Variants in CACNA1D observed in about 807,000 individuals in gnomAD.
The protein encoded by CACNA1D is voltage-dependent L-type calcium channel subunit alpha-1D.
In CACNA1D, 55 loss-of-function variants were observed where a neutral mutation model predicts 257.1. That is an observed-to-expected ratio of 0.21 (90% CI 0.17 to 0.27). CACNA1D has a LOEUF of 0.27. CACNA1D is among the 10% of genes least tolerant of loss of function. The pLI is 1.00. For missense variants in CACNA1D, 1,876 were observed against 2,784.0 expected, an observed-to-expected ratio of 0.67 and a Z score of 7.34; for synonymous variants, 980 against 1,014.9, an observed-to-expected ratio of 0.97 and a Z score of 0.65.
chr3:53,658,269 C>T (rs368049863), intron 4 of CACNA1D, among the ~76,000 whole-genome samples: 3 of 151,664 alleles, frequency 2.0e-5, no homozygotes, highest in East Asian at 3.9e-4. Context: ...TTCTCTGAGT[C>T]GTTAAATCCA....
intron 3 of CACNA1D, among the ~76,000 whole-genome samples, chr3:53,635,704 G>T (rs1039668967): frequency 1.3e-5 from 2 of 152,114 alleles, no homozygotes; most frequent in Non-Finnish European, 2.9e-5. Flanking sequence ...CTTCAGTTTG[G>T]TGCTTTTTCC....
At chr3:53,801,998 C>A in intron 42 of CACNA1D, 149 bp from the exon 43 acceptor site, 1 of 771,234 alleles carries the variant, frequency 1.3e-6, no homozygotes, top group Non-Finnish European at 2.4e-6. Flanking sequence ...ATGGGTCATA[C>A]AAGGCCAGGT....
chr3:53,573,297 C>A (rs1431835955), intron 3 of CACNA1D, among the ~76,000 whole-genome samples: 1 of 152,176 alleles, frequency 6.6e-6, no homozygotes, highest in Non-Finnish European at 1.5e-5. Context: ...TCCTTTTATT[C>A]CCAGCTGGCT....
At chr3:53,710,844 T>C (rs1035229697) in intron 9 of CACNA1D, among the ~76,000 whole-genome samples, 3 of 152,256 alleles carry the variant, frequency 2.0e-5, no homozygotes, top group African/African-American at 4.8e-5. Flanking sequence ...TTGATTTTTT[T>C]TTCTCCAGGC....
chr3:53,544,898 A>G (rs2092379460), intron 3 of CACNA1D, among the ~76,000 whole-genome samples: 1 of 152,340 alleles, frequency 6.6e-6, no homozygotes, highest in South Asian at 2.1e-4. Context: ...CGTCTACCTC[A>G]TAGGCTTACA....
At chr3:53,598,063 T>C (rs2093393118) in intron 3 of CACNA1D, among the ~76,000 whole-genome samples, 1 of 152,176 alleles carries the variant, frequency 6.6e-6, no homozygotes, top group Admixed American at 6.5e-5. Context: ...TTCAGGATCT[T>C]TAGAGGGAAG....
intron 37 of CACNA1D, among the ~76,000 whole-genome samples, chr3:53,777,877 T>G (rs889981770): frequency 2.0e-5 from 3 of 152,206 alleles, no homozygotes; most frequent in African/African-American, 7.2e-5. Context: ...GATTTTCCTT[T>G]TTCAAGGAAA....
intron 15 of CACNA1D, among the ~76,000 whole-genome samples, chr3:53,729,644 C>T (rs1559584344): frequency 6.6e-6 from 1 of 152,162 alleles, no homozygotes; most frequent in African/African-American, 2.4e-5. Flanking sequence ...GCCATGTATA[C>T]AACATTAGAG....
intron 3 of CACNA1D, among the ~76,000 whole-genome samples, chr3:53,551,394 A>T (rs879401470): frequency 6.6e-6 from 1 of 152,212 alleles, no homozygotes; most frequent in Non-Finnish European, 1.5e-5. Context: ...TACCCAGATC[A>T]TGAGCCTGTT....
At chr3:53,577,708 G>A (rs2093061984) in intron 3 of CACNA1D, among the ~76,000 whole-genome samples, 1 of 152,084 alleles carries the variant, frequency 6.6e-6, no homozygotes, top group Non-Finnish European at 1.5e-5. Context: ...AACAGTGGCC[G>A]CCCTGGAGAT....
At chr3:53,678,697 A>C (rs2094399466) in intron 8 of CACNA1D, among the ~76,000 whole-genome samples, 1 of 152,184 alleles carries the variant, frequency 6.6e-6, no homozygotes, top group Non-Finnish European at 1.5e-5. Context: ...TAAGGCAAAG[A>C]TTCATGGGAT....
rs2106943877 is a variant in CACNA1D at position 53,813,257 on chromosome 3, T to C, written c.*1851T>C. 2.0e-5 allele frequency: 3 copies of C among 152,252 alleles called. No homozygotes were observed. The allele number at this position is 152,252 out of a possible 1,614,324, so 9.4% of individuals were successfully genotyped here. A position where few individuals can be genotyped will look rare whatever the true frequency, so the allele number is the denominator to read the frequency against. On this transcript the variant is annotated 3_prime_UTR_variant, in exon 48 of 48. Transcript: ENST00000350061. ...CACTTCAAGGTTTGTAAATGACTCT[T>C]TCCTGACATAAATCCTTTTTTATTA...
At chr3:53,790,190 C>T (rs893078170) in intron 40 of CACNA1D, among the ~76,000 whole-genome samples, 9 of 152,300 alleles carry the variant, frequency 5.9e-5, no homozygotes, top group East Asian at 3.9e-4. Context: ...GAGTGACCCA[C>T]GAGTTTCCAC....
chr3:53,574,701 A>G (rs1479889278), intron 3 of CACNA1D, among the ~76,000 whole-genome samples: 2 of 145,776 alleles, frequency 1.4e-5, no homozygotes, highest in East Asian at 4.1e-4. Flanking sequence ...GAACATTCTC[A>G]TGCTCACTGT....
chr3:53,638,842 C>A (rs565777621), intron 3 of CACNA1D, among the ~76,000 whole-genome samples: 144 of 152,330 alleles, frequency 9.5e-4, no homozygotes, highest in African/African-American at 3.4e-3. Context: ...AGGGTGGCTC[C>A]ACCTCCCAGA....
chr3:53,633,857 G>A (rs1468389436), intron 3 of CACNA1D, among the ~76,000 whole-genome samples: 1 of 152,132 alleles, frequency 6.6e-6, no homozygotes, highest in East Asian at 1.9e-4. Context: ...TGGCATTTGA[G>A]CAGAATCACA....
intron 3 of CACNA1D, among the ~76,000 whole-genome samples, chr3:53,531,384 A>T (rs1007053966): frequency 1.4e-5 from 2 of 146,330 alleles, no homozygotes; most frequent in Non-Finnish European, 3.0e-5. Context: ...ATAGAGACTT[A>T]AAAAAAATGA....
At chr3:53,544,738 C>T (rs1004293548) in intron 3 of CACNA1D, among the ~76,000 whole-genome samples, 1 of 152,120 alleles carries the variant, frequency 6.6e-6, no homozygotes. Context: ...GTTGGCATGG[C>T]GAATCGGATG....
intron 8 of CACNA1D, among the ~76,000 whole-genome samples, chr3:53,680,180 G>C (rs908515726): frequency 6.6e-6 from 1 of 152,176 alleles, no homozygotes; most frequent in East Asian, 1.9e-4. Context: ...AATGGCTGTC[G>C]GGATCAGTGG....
Sources: allele counts gnomAD v4.1 joint callset (sites outside exome capture counted in the v4.1 genomes callset), GRCh38; gene constraint gnomAD v4.1.1; transcripts MANE v1.5; gene names NCBI Gene and HGNC (gene_info 2026-07-23, HGNC 2026-07-21).